The following MICAL2 variants were observed in gnomAD, a reference collection of about 807,000 sequenced individuals.
MICAL2 encodes microtubule associated monooxygenase, calponin and LIM domain containing 2.
In MICAL2, 77 loss-of-function variants were observed where a neutral mutation model predicts 127.3. The observed-to-expected ratio is 0.60, with a 90% CI of 0.50 to 0.73. MICAL2 has a LOEUF of 0.73. MICAL2 is among the 30% of genes least tolerant of loss of function. The pLI, the probability that MICAL2 is intolerant of heterozygous loss-of-function variation, is 0.00. For synonymous variants in MICAL2, 570 were observed against 551.1 expected (o/e 1.03, Z -0.48); for missense variants, 1,351 against 1,434.4 (o/e 0.94, Z 0.94).
chr11:12,217,197 A>G (rs915785690), intron 8 of MICAL2, among the ~76,000 whole-genome samples: 44 of 152,280 alleles, frequency 2.9e-4, no homozygotes, highest in Admixed American at 2.4e-3. Flanking sequence ...CACACTGCCC[A>G]AGTTCAGCCT....
intron 10 of MICAL2, among the ~76,000 whole-genome samples, chr11:12,222,231 C>T (rs1590432397): frequency 6.6e-6 from 1 of 152,264 alleles, no homozygotes; most frequent in East Asian, 1.9e-4. Flanking sequence ...GGGGGGAGGT[C>T]AGGGCTGGCG....
chr11:12,301,304 G>A (rs1041181515), intron 29 of MICAL2, among the ~76,000 whole-genome samples: 1 of 152,132 alleles, frequency 6.6e-6, no homozygotes, highest in Non-Finnish European at 1.5e-5. Flanking sequence ...CTTTGGAGGG[G>A]ATTTATCCAT....
rs184121818 is a variant in MICAL2, at chr11:12,353,269, C to T, written c.5616-1515C>T. Among the ~76,000 whole-genome samples, 41 of 152,292 alleles carry T rather than the reference C, an allele frequency of 2.7e-4. No homozygotes were observed. In the East Asian group the frequency reaches 7.2e-3, roughly 27 times the overall value. ...TCAAACCCAGGAACCTAGTCTCGGCCCTCACCCTCTTCAAGTCTCTGTTGC... is the reference window on the plus strand; with the variant it reads ...TCAAACCCAGGAACCTAGTCTCGGCTCTCACCCTCTTCAAGTCTCTGTTGC... On this transcript the variant is annotated intron_variant, in intron 33 of 34. Coordinates refer to the MICAL2 transcript ENST00000646065.
chr11:12,318,688 C>T (rs978648625), intron 29 of MICAL2, among the ~76,000 whole-genome samples: 9 of 152,168 alleles, frequency 5.9e-5, no homozygotes, highest in Admixed American at 5.9e-4. Flanking sequence ...GGAGTCCTAG[C>T]TGGTCCTGAT....
At chr11:12,334,428 G>A (rs1293547115) in intron 32 of MICAL2, among the ~76,000 whole-genome samples, 1 of 151,830 alleles carries the variant, frequency 6.6e-6, no homozygotes, top group Non-Finnish European at 1.5e-5. Context: ...TTTTTATCCA[G>A]AATATTTTCT....
At chr11:12,219,353 C>T (rs893181166) in intron 8 of MICAL2, among the ~76,000 whole-genome samples, 3 of 152,042 alleles carry the variant, frequency 2.0e-5, no homozygotes, top group African/African-American at 7.2e-5. Context: ...TATTCCAGTC[C>T]TCGCAGCTCA....
chr11:12,203,012 T>C (rs531316883), intron 3 of MICAL2, among the ~76,000 whole-genome samples: 1 of 152,354 alleles, frequency 6.6e-6, no homozygotes, highest in African/African-American at 2.4e-5. Context: ...ACATTTCATA[T>C]AAACGAAATA....
Position 12,349,902 on chromosome 11 carries a change from T to A in MICAL2, c.5580T>A (p.Asn1860Lys). 6.2e-7 allele frequency: 1 copy of A among 1,614,074 alleles called. No homozygotes were observed. Among genetic ancestry groups the A allele is most frequent in the Non-Finnish European group, 8.5e-7 (1 of 1,179,984 alleles). ...GGTTTAAGCTGGTTCTGGAGAAGAA[T>A]AAATTAATGCGATATGAGTCGGAGC... is the stretch of plus-strand genomic sequence containing the variant. The change falls in exon 33 of 35, where the codon AAT (asparagine) becomes AAA (lysine). Residue 1860 changes from asparagine (N) to lysine (K), a missense_variant. Physicochemically the swap from Asn to Lys is moderately conservative, Grantham distance 94. Coordinates refer to the MICAL2 transcript ENST00000646065.
intron 6 of MICAL2, among the ~76,000 whole-genome samples, chr11:12,212,936 C>T (rs1426770466): frequency 1.1e-4 from 17 of 152,216 alleles, no homozygotes; most frequent in Admixed American, 1.0e-3. Context: ...GTGGGTCTCT[C>T]ATGAGTGTAT....
At position 12,111,368 on chromosome 11, in the gene MICAL2, C is replaced by A. The variant is rs539002839; in HGVS notation, c.-149+642C>A. Among the ~76,000 whole-genome samples the A allele has an allele frequency of 3.3e-5, 5 of 152,264 alleles. No homozygotes were observed. The South Asian group carries it at 1.0e-3, about 32-fold the overall frequency. On this transcript the variant is annotated intron_variant, in intron 1 of 27. Transcript: ENST00000683283. ...CGCTCTCGCTCCAGGCCCAGGAGCA[C>A]CCCCGCAGGGTGTCCGCGGCACCCA...
In MICAL2 at chr11:12,321,979, T is replaced by A. The variant is rs567206011; in HGVS notation, c.5329-1999T>A. Among the ~76,000 whole-genome samples, 69 of 152,164 alleles carry A rather than the reference T, an allele frequency of 4.5e-4. No homozygotes were observed. The South Asian group carries it at 5.4e-3, about 12-fold the overall frequency. The stretch of plus-strand genomic sequence containing the variant: ...ACAAGGAAAGGCAGTATAGACCAAA[T>A]GAAATGTGGATACTAGATTCAGGCT... On this transcript the variant is annotated intron_variant, in intron 30 of 34. Coordinates refer to the MICAL2 transcript ENST00000646065.
chr11:12,256,483 G>T, intron 23 of MICAL2: 1 of 269,308 alleles, frequency 3.7e-6, no homozygotes, highest in Non-Finnish European at 7.0e-6. Flanking sequence ...AGCCCACTCC[G>T]TCAGACCAGG....
At chr11:12,336,355 T>G (rs1369608151) in intron 32 of MICAL2, among the ~76,000 whole-genome samples, 2 of 152,240 alleles carry the variant, frequency 1.3e-5, no homozygotes, top group Non-Finnish European at 2.9e-5. Flanking sequence ...GATTTTGGGC[T>G]GAGACAATGG....
At chr11:12,152,048 G>A (rs1460059312) in intron 2 of MICAL2, among the ~76,000 whole-genome samples, 2 of 151,710 alleles carry the variant, frequency 1.3e-5, no homozygotes, top group Non-Finnish European at 2.9e-5. Context: ...AGCACTTTGG[G>A]AGGCCGAGGA....
At position 12,152,551 on chromosome 11, in the gene MICAL2, T is replaced by C. The variant is rs374529287; in HGVS notation, c.-77-9528T>C. Among the ~76,000 whole-genome samples the C allele has an allele frequency of 1.6e-4, 24 of 152,188 alleles. No homozygotes were observed. The South Asian group carries it at 4.6e-3, about 29-fold the overall frequency. On this transcript the variant is annotated intron_variant, in intron 2 of 27. Coordinates refer to ENST00000683283, the MANE Select transcript of MICAL2 (RefSeq NM_001282663.2). ...GCCCTGAGAGCTAAGACCAGGGAAC[T>C]GGTGCCCAACCTTCCCTGGGGTGTT...
At chr11:12,178,216 T>G (rs1407089183) in intron 3 of MICAL2, among the ~76,000 whole-genome samples, 4 of 152,140 alleles carry the variant, frequency 2.6e-5, no homozygotes, top group Non-Finnish European at 5.9e-5. Context: ...TGGCAGTGAC[T>G]GAAGGGAGGT....
chr11:12,321,013 A>G (rs1161542360), intron 30 of MICAL2, among the ~76,000 whole-genome samples: 1 of 152,152 alleles, frequency 6.6e-6, no homozygotes. Context: ...TTAATTCTAT[A>G]TTCAAATTAG....
downstream of MICAL2, among the ~76,000 whole-genome samples, chr11:12,360,254 A>G (rs772131879): frequency 1.7e-4 from 26 of 152,026 alleles, no homozygotes; most frequent in Non-Finnish European, 3.2e-4. Flanking sequence ...TTATTTGTGT[A>G]TTGGTGAGAA....
At chr11:12,129,902 G>A (rs1228079209) in intron 1 of MICAL2, among the ~76,000 whole-genome samples, 1 of 152,006 alleles carries the variant, frequency 6.6e-6, no homozygotes, top group African/African-American at 2.4e-5. Context: ...AGTTGAGACA[G>A]GGTCTCCCTG....
Sources: gnomAD v4.1 joint callset for allele counts (sites outside exome capture counted in the v4.1 genomes callset) on GRCh38, gnomAD v4.1.1 for gene constraint, MANE v1.5 for transcripts, NCBI Gene and HGNC (gene_info 2026-07-23, HGNC 2026-07-21) for gene names.